LINGO2: variants seen among roughly 807,000 people sequenced by gnomAD.
The protein encoded by LINGO2 is leucine rich repeat and Ig domain containing 2, also known as leucine-rich repeat and immunoglobulin-like domain-containing nogo receptor-interacting protein 2.
A neutral mutation model predicts 30.6 loss-of-function variants in LINGO2; 14 were observed. The observed-to-expected ratio is 0.46, with a 90% CI of 0.30 to 0.72. LINGO2 has a LOEUF of 0.72. Among genes scored for constraint, LINGO2 ranks in the 30% least tolerant of loss-of-function variants. The pLI is 0.07. For synonymous variants in LINGO2, 317 were observed against 288.5 expected, an observed-to-expected ratio of 1.10 and a Z score of -1.00; for missense variants, 729 against 751.7, an observed-to-expected ratio of 0.97 and a Z score of 0.35.
At chr9:29,030,470 A>G in the LINGO2 span, among the ~76,000 whole-genome samples, 2 of 152,136 alleles carry the variant, frequency 1.3e-5, no homozygotes, top group East Asian at 1.9e-4. Context: ...CCAGAGTCCA[A>G]TTTTATATTT....
At chr9:28,135,915 G>T (rs1486841428) in intron 4 of LINGO2, among the ~76,000 whole-genome samples, 2 of 151,950 alleles carry the variant, frequency 1.3e-5, no homozygotes, top group Admixed American at 6.6e-5. Context: ...CTGAGATTTT[G>T]TTTTTTTCCC....
intron 3 of LINGO2, among the ~76,000 whole-genome samples, chr9:28,308,840 A>G (rs1254486480): frequency 1.3e-5 from 2 of 152,318 alleles, no homozygotes; most frequent in East Asian, 3.9e-4. Flanking sequence ...AATGCTCACC[A>G]TCACTGGCCA....
chr9:28,610,454 G>A (rs922614057), intron 1 of LINGO2, among the ~76,000 whole-genome samples: 12 of 152,114 alleles, frequency 7.9e-5, no homozygotes, highest in Non-Finnish European at 1.5e-4. Context: ...ATATTAGGAG[G>A]TGGCAGTGTT....
the LINGO2 span, among the ~76,000 whole-genome samples, chr9:29,003,117 G>C: frequency 2.6e-5 from 4 of 151,984 alleles, no homozygotes; most frequent in Admixed American, 6.6e-5. Context: ...CTAAGAGTAA[G>C]GAATGGAACA....
the LINGO2 span, among the ~76,000 whole-genome samples, chr9:29,167,929 G>A: frequency 1.3e-5 from 2 of 152,146 alleles, no homozygotes; most frequent in Non-Finnish European, 2.9e-5. Context: ...CTCCACAGTC[G>A]TTAGCTACTC....
chr9:29,134,903 A>G, the LINGO2 span, among the ~76,000 whole-genome samples: 3 of 152,044 alleles, frequency 2.0e-5, no homozygotes, highest in African/African-American at 7.2e-5. Context: ...ATGGTAAATT[A>G]ATAGCATCCA....
chr9:28,537,036 T>C (rs73441437), intron 1 of LINGO2, among the ~76,000 whole-genome samples: 10,319 of 151,632 alleles, frequency 0.068, 811 homozygotes, highest in African/African-American at 0.19. Flanking sequence ...AAAATAAACA[T>C]AGGCATGCAC....
chr9:28,786,095 A>C, the LINGO2 span, among the ~76,000 whole-genome samples: 2 of 152,190 alleles, frequency 1.3e-5, no homozygotes, highest in African/African-American at 4.8e-5. Context: ...CACATTTCTC[A>C]AGGCCTGCTG....
the LINGO2 span, among the ~76,000 whole-genome samples, chr9:28,939,172 G>A: frequency 1.5e-5 from 1 of 65,460 alleles, no homozygotes; most frequent in South Asian, 3.7e-4. Flanking sequence ...CAGTTCGAAG[G>A]CTACTTAAGC....
Position 28,536,197 on chromosome 9 carries a change from T to C in LINGO2, c.-364-60172A>G, listed in dbSNP as rs528254390. Among the ~76,000 whole-genome samples, 571 of 152,222 alleles carry C rather than the reference T, an allele frequency of 3.8e-3. 3 individuals are homozygous for C. The highest frequency in any genetic ancestry group is 3.5e-3 in the Non-Finnish European group (241 of 68,010). On this transcript the variant is annotated intron_variant, in intron 1 of 5. Transcript: ENST00000379992. ...AAATATTTTTAACTCTGTGCTTAAG[T>C]GTGGTGGGAAAGTTTTAGAGATAAG...
intron 3 of LINGO2, among the ~76,000 whole-genome samples, chr9:28,340,642 C>A (rs1420577495): frequency 1.3e-5 from 2 of 151,950 alleles, no homozygotes; most frequent in African/African-American, 4.8e-5. Context: ...TTGGTTTATT[C>A]AAAACTCAAA....
the LINGO2 span, among the ~76,000 whole-genome samples, chr9:28,971,054 G>C: frequency 6.6e-6 from 1 of 152,112 alleles, no homozygotes; most frequent in Non-Finnish European, 1.5e-5. Flanking sequence ...AGCCACAGCA[G>C]GATACAGAAC....
At chr9:28,981,525 A>G in the LINGO2 span, among the ~76,000 whole-genome samples, 14 of 152,162 alleles carry the variant, frequency 9.2e-5, no homozygotes, top group African/African-American at 2.9e-4. Flanking sequence ...ATCACTTTCA[A>G]ATGAAGGCAC....
the LINGO2 span, among the ~76,000 whole-genome samples, chr9:29,040,934 A>T: frequency 6.6e-6 from 1 of 152,034 alleles, no homozygotes; most frequent in African/African-American, 2.4e-5. Context: ...ATTAATATAC[A>T]TACTGAGTTC....
At chr9:28,510,066 A>C (rs944658967) in intron 1 of LINGO2, among the ~76,000 whole-genome samples, 2 of 152,218 alleles carry the variant, frequency 1.3e-5, no homozygotes, top group African/African-American at 4.8e-5. Flanking sequence ...GTATTTTAAG[A>C]TGTTCACTTG....
At chr9:27,980,493 T>A (rs1050920391) in intron 5 of LINGO2, among the ~76,000 whole-genome samples, 1 of 151,952 alleles carries the variant, frequency 6.6e-6, no homozygotes, top group Non-Finnish European at 1.5e-5. Flanking sequence ...CAGAATATAT[T>A]GCTATTGCCT....
intron 1 of LINGO2, among the ~76,000 whole-genome samples, chr9:28,576,757 T>C (rs191156671): frequency 1.6e-4 from 24 of 152,306 alleles, no homozygotes; most frequent in African/African-American, 5.8e-4. Context: ...CTTGATTACA[T>C]GAGTATGTTC....
the LINGO2 span, among the ~76,000 whole-genome samples, chr9:29,011,402 A>T: frequency 3.6e-5 from 1 of 27,458 alleles, no homozygotes; most frequent in East Asian, 1.7e-3. Context: ...TGACATCCTT[A>T]CTTTCTCCTT....
At chr9:28,583,051 AGTTATTT>A (rs1196475104) in intron 1 of LINGO2, among the ~76,000 whole-genome samples, 7 of 152,016 alleles carry the variant, frequency 4.6e-5, no homozygotes, top group African/African-American at 7.2e-5. Context: ...ATGCTTTTGA[AGTTATTT>A]GTTCAGGGTA....
Sources: allele counts gnomAD v4.1 joint callset (sites outside exome capture counted in the v4.1 genomes callset), GRCh38; gene constraint gnomAD v4.1.1; transcripts MANE v1.5; gene names NCBI Gene and HGNC (gene_info 2026-07-23, HGNC 2026-07-21).